Variants in FAM174B observed in about 807,000 individuals in gnomAD.
The protein encoded by FAM174B is family with sequence similarity 174 member B, also known as membrane protein FAM174B.
FAM174B carries 12 observed loss-of-function variants against 10.9 expected under a neutral mutation model. The observed-to-expected ratio is 1.10, with a 90% confidence interval of 0.71 to 1.79. The LOEUF is 1.79. FAM174B is among the 40% of genes most tolerant of loss of function. The pLI, the probability that FAM174B is intolerant of heterozygous loss-of-function variation, is 0.00. For synonymous variants in FAM174B, 132 were observed against 115.8 expected, an observed-to-expected ratio of 1.14 and a Z score of -0.90; for missense variants, 266 against 233.3, an observed-to-expected ratio of 1.14 and a Z score of -0.91.
chr15:92,638,186 T>C (rs1004344050), intron 1 of FAM174B, among the ~76,000 whole-genome samples: 43 of 152,210 alleles, frequency 2.8e-4, no homozygotes, highest in Non-Finnish European at 5.0e-4. Context: ...CTTTTATTAA[T>C]AAATAAATGT....
At chr15:92,625,652 TAC>T (rs2050747792) in intron 2 of FAM174B, among the ~76,000 whole-genome samples, 1 of 152,242 alleles carries the variant, frequency 6.6e-6, no homozygotes, top group South Asian at 2.1e-4. Context: ...GCATGTATAA[TAC>T]AGTCTTATTT....
At chr15:92,649,414 T>C (rs1285080690) in intron 1 of FAM174B, among the ~76,000 whole-genome samples, 1 of 152,232 alleles carries the variant, frequency 6.6e-6, no homozygotes, top group Non-Finnish European at 1.5e-5. Flanking sequence ...TGCACCTGCC[T>C]GATAATTGTG....
chr15:92,622,424 T>C (rs1300070464), intron 2 of FAM174B, among the ~76,000 whole-genome samples: 1 of 152,170 alleles, frequency 6.6e-6, no homozygotes, highest in Admixed American at 6.5e-5. Context: ...AGCCATGTAG[T>C]TGGCTGGGCC....
chr15:92,631,500 CT>C (rs560489141), intron 1 of FAM174B, among the ~76,000 whole-genome samples: 712 of 70,386 alleles, frequency 0.01, 26 homozygotes, highest in African/African-American at 0.035. Flanking sequence ...ATATATAATT[CT>C]TTTTTTTTTT....
chr15:92,644,107 C>T (rs2050910360), intron 1 of FAM174B, among the ~76,000 whole-genome samples: 1 of 152,150 alleles, frequency 6.6e-6, no homozygotes, highest in Admixed American at 6.5e-5. Flanking sequence ...ACCAGCTACA[C>T]TTGAAGAAAT....
intron 1 of FAM174B, among the ~76,000 whole-genome samples, chr15:92,643,826 G>T (rs62022576): frequency 1.3e-5 from 2 of 152,052 alleles, no homozygotes; most frequent in Non-Finnish European, 2.9e-5. Context: ...AAGGACCAGC[G>T]TTCTGCCAAA....
At chr15:92,636,858 A>G (rs1191988181) in intron 1 of FAM174B, among the ~76,000 whole-genome samples, 1 of 152,166 alleles carries the variant, frequency 6.6e-6, no homozygotes, top group Non-Finnish European at 1.5e-5. Context: ...TTTAGCGCCA[A>G]AAAACTCTTT....
In FAM174B at chr15:92,631,294, TTATATATAA is replaced by T. The variant is rs2050805591; in HGVS notation, c.345-958_345-950del. ...TATATTATATATAATATATTATATATTATATATAATATATTATATATAATATTATATATA... is the reference window on the plus strand; with the variant it reads ...TATATTATATATAATATATTATATATTATATTATATATAATATTATATATA... On this transcript the variant is annotated intron_variant, in intron 1 of 2. Coordinates refer to ENST00000327355, the MANE Select transcript of FAM174B (RefSeq NM_207446.3). 8.8e-4 allele frequency among the ~76,000 whole-genome samples: 6 copies of T among 6,784 alleles called. 2 individuals carry two copies. The highest frequency in any genetic ancestry group is 2.0e-3 in the African/African-American group (4 of 1,994). 4.5% of individuals were successfully genotyped at this position (6,784 alleles called of 152,430 possible).
intron 2 of FAM174B, among the ~76,000 whole-genome samples, chr15:92,620,926 T>G (rs1456002799): frequency 1.3e-5 from 2 of 152,020 alleles, no homozygotes; most frequent in African/African-American, 4.8e-5. Context: ...CCTCCTGATG[T>G]TTGATTATGG....
chr15:92,652,882 G>C (rs1329606062), intron 1 of FAM174B, among the ~76,000 whole-genome samples: 1 of 152,182 alleles, frequency 6.6e-6, no homozygotes, highest in African/African-American at 2.4e-5. Context: ...TTACAGGGGA[G>C]CGTGGGACAG....
intron 1 of FAM174B, among the ~76,000 whole-genome samples, chr15:92,644,037 T>C (rs1048230087): frequency 4.6e-5 from 7 of 152,166 alleles, no homozygotes; most frequent in African/African-American, 1.4e-4. Flanking sequence ...TTTTACCCTC[T>C]GAGCTCTACG....
chr15:92,634,485 T>C (rs1431420987), intron 1 of FAM174B: 1 of 152,224 alleles, frequency 6.6e-6, no homozygotes, highest in Non-Finnish European at 1.5e-5. Context: ...TTCACGTATA[T>C]AGAGTCTTAC....
chr15:92,634,813 G>A (rs909007159), intron 1 of FAM174B: 2 of 152,198 alleles, frequency 1.3e-5, no homozygotes, highest in African/African-American at 4.8e-5. Flanking sequence ...CCTAATGTGG[G>A]TGGGCCCCAT....
chr15:92,637,627 T>G (rs190213230), intron 1 of FAM174B, among the ~76,000 whole-genome samples: 214 of 152,356 alleles, frequency 1.4e-3, no homozygotes, highest in Non-Finnish European at 2.5e-3. Context: ...ACCCCAGGAC[T>G]CTGCCCCTTA....
At chr15:92,631,848 A>G (rs955119086) in intron 1 of FAM174B, among the ~76,000 whole-genome samples, 3 of 152,120 alleles carry the variant, frequency 2.0e-5, no homozygotes, top group African/African-American at 7.2e-5. Flanking sequence ...AAAAAGCCCC[A>G]AAGATCAAGA....
In FAM174B at chr15:92,618,446, G is replaced by A. The variant is rs749028427; in HGVS notation, c.*1010C>T. ...TCTGCCTTCCGGCAGGGACCTCCTGGGTCCTGTGGGGTCTCCTGGGTCCAG... is the reference window on the plus strand; with the variant it reads ...TCTGCCTTCCGGCAGGGACCTCCTGAGTCCTGTGGGGTCTCCTGGGTCCAG... On this transcript the variant is annotated 3_prime_UTR_variant, in exon 3 of 3. Coordinates refer to ENST00000327355, the MANE Select transcript of FAM174B (RefSeq NM_207446.3). 10 of 152,336 alleles carry A rather than the reference G, an allele frequency of 6.6e-5. No individual in the cohort carries two copies. Among genetic ancestry groups the A allele is most frequent in the African/African-American group, 2.2e-4 (9 of 41,456 alleles). The allele number at this position is 152,336 out of a possible 1,614,324, so 9.4% of individuals were successfully genotyped here.
chr15:92,617,608 T>C lies in FAM174B; in HGVS notation c.*1848A>G, dbSNP rs2050687458. 6 of 643,976 alleles carry C rather than the reference T, an allele frequency of 9.3e-6. No homozygotes were observed. The highest frequency in any genetic ancestry group is 1.7e-5 in the South Asian group (1 of 58,790). 39.9% of individuals were successfully genotyped at this position (643,976 alleles called of 1,614,324 possible). A position where few individuals can be genotyped will look rare whatever the true frequency, so the allele number is the denominator to read the frequency against. On this transcript the variant is annotated 3_prime_UTR_variant, in exon 3 of 3. Coordinates refer to ENST00000327355, the MANE Select transcript of FAM174B (RefSeq NM_207446.3). ...TGCGTAAGGCAGAGGAATCCAGCTT[T>C]TCCATGAGATTCAGCTGCAGTTGTC...
At chr15:92,623,660 C>A (rs1684304593) in intron 2 of FAM174B, among the ~76,000 whole-genome samples, 1 of 152,210 alleles carries the variant, frequency 6.6e-6, no homozygotes, top group African/African-American at 2.4e-5. Flanking sequence ...GGCACCCTGG[C>A]AGCTGACGTC....
chr15:92,642,106 CACA>C (rs1288402454), intron 1 of FAM174B, among the ~76,000 whole-genome samples: 4 of 152,300 alleles, frequency 2.6e-5, no homozygotes, highest in Non-Finnish European at 5.9e-5. Flanking sequence ...AAATTAAACA[CACA>C]ACGAGATACC....
Sources: gnomAD v4.1 joint callset for allele counts (sites outside exome capture counted in the v4.1 genomes callset) on GRCh38, gnomAD v4.1.1 for gene constraint, MANE v1.5 for transcripts, NCBI Gene and HGNC (gene_info 2026-07-23, HGNC 2026-07-21) for gene names.